DARS1: variants seen among roughly 807,000 people sequenced by gnomAD.
DARS1 encodes aspartate--tRNA ligase, cytoplasmic.
DARS1 carries 51 observed loss-of-function variants against 68.8 expected under a neutral mutation model. The ratio of observed to expected loss-of-function variants is 0.74; its 90% CI spans 0.59 to 0.94. The LOEUF (loss-of-function observed/expected upper bound fraction) is 0.94, where lower values mean the gene tolerates loss of function less well. Ranked by LOEUF, DARS1 falls within the 40% of genes least tolerant of loss-of-function variation. The pLI is 0.00. For missense variants in DARS1, 607 were observed against 597.3 expected, an observed-to-expected ratio of 1.02 and a Z score of -0.17; for synonymous variants, 203 against 190.4, an observed-to-expected ratio of 1.07 and a Z score of -0.55.
Position 135,907,242 on chromosome 2 carries a change from C to CTTTTTTGGTTTTTTTTTTTTT in DARS1, c.*73_*74insAAAAAAAAAAAAACCAAAAAA. On this transcript the variant is annotated 3_prime_UTR_variant, in exon 16 of 16. Coordinates refer to ENST00000264161, the MANE Select transcript of DARS1 (RefSeq NM_001349.4). ...TACTGAAAAGAATAAGTGTGGCTTTCTTTTTTTTTTTTTTTTTTTGAGGCA... is the reference window on the plus strand; with the variant it reads ...TACTGAAAAGAATAAGTGTGGCTTTCTTTTTTGGTTTTTTTTTTTTTTTTTTTTTTTTTTTTTTTTGAGGCA... 1 of 423,204 alleles carries CTTTTTTGGTTTTTTTTTTTTT rather than the reference C, an allele frequency of 2.4e-6. No homozygotes were observed. Among genetic ancestry groups the CTTTTTTGGTTTTTTTTTTTTT allele is most frequent in the African/African-American group, 2.9e-5 (1 of 34,932 alleles). 26.2% of individuals were successfully genotyped at this position (423,204 alleles called of 1,614,324 possible). A position where few individuals can be genotyped will look rare whatever the true frequency, so the allele number is the denominator to read the frequency against.
At chr2:135,978,964 T>C (rs1682559740) in intron 3 of DARS1, 1 of 197,838 alleles carries the variant, frequency 5.1e-6, no homozygotes, top group East Asian at 1.1e-4. Context: ...TTTACTCTTT[T>C]TTTTCAATTT....
intron 4 of DARS1, among the ~76,000 whole-genome samples, chr2:135,960,444 A>G (rs1682075299): frequency 6.6e-6 from 1 of 152,198 alleles, no homozygotes; most frequent in Non-Finnish European, 1.5e-5. Context: ...ATAATTTTTA[A>G]GTTTCTTTCC....
chr2:135,917,939 A>G (rs543560459), intron 10 of DARS1, among the ~76,000 whole-genome samples: 1 of 152,252 alleles, frequency 6.6e-6, no homozygotes, highest in African/African-American at 2.4e-5. Context: ...TTATTTTTTT[A>G]GACGGAGTCT....
chr2:135,942,046 A>C (rs1681612291), intron 5 of DARS1, among the ~76,000 whole-genome samples: 1 of 152,174 alleles, frequency 6.6e-6, no homozygotes, highest in African/African-American at 2.4e-5. Context: ...ACACTTTTAC[A>C]CTGTTGGTGG....
At chr2:135,922,332 T>C (rs1260412640) in intron 9 of DARS1, among the ~76,000 whole-genome samples, 1 of 152,192 alleles carries the variant, frequency 6.6e-6, no homozygotes, top group Non-Finnish European at 1.5e-5. Context: ...CCACTGCAAC[T>C]ACCTGCTCTT....
intron 4 of DARS1, among the ~76,000 whole-genome samples, chr2:135,949,414 C>A (rs1280631125): frequency 6.6e-6 from 1 of 152,000 alleles, no homozygotes; most frequent in African/African-American, 2.4e-5. Flanking sequence ...TAAAATGGCA[C>A]ACATACAAAA....
chr2:135,937,835 T>G (rs1291733377), intron 5 of DARS1, among the ~76,000 whole-genome samples: 3 of 152,256 alleles, frequency 2.0e-5, no homozygotes, highest in Non-Finnish European at 4.4e-5. Flanking sequence ...CTCTTCTGGC[T>G]TGTAAAGTTT....
At chr2:135,944,468 A>G (rs993938026) in intron 4 of DARS1, among the ~76,000 whole-genome samples, 3 of 152,210 alleles carry the variant, frequency 2.0e-5, no homozygotes, top group South Asian at 4.1e-4. Flanking sequence ...ATTTCAATGA[A>G]AAAGGATCAA....
chr2:135,937,832 G>A (rs1681503707), intron 5 of DARS1, among the ~76,000 whole-genome samples: 1 of 152,182 alleles, frequency 6.6e-6, no homozygotes, highest in Non-Finnish European at 1.5e-5. Flanking sequence ...ACTCTCTTCT[G>A]GCTTGTAAAG....
chr2:135,977,670 A>G (rs1408174126), intron 3 of DARS1, among the ~76,000 whole-genome samples: 1 of 152,062 alleles, frequency 6.6e-6, no homozygotes, highest in African/African-American at 2.4e-5. Flanking sequence ...AAAATTTAAA[A>G]CTCCACCAGT....
chr2:135,981,833 A>AT lies in DARS1; in HGVS notation c.124+1563dup, dbSNP rs947698585. Among the ~76,000 whole-genome samples the AT allele has an allele frequency of 1.2e-4, 18 of 151,770 alleles. 1 individual carries two copies. Among genetic ancestry groups the AT allele is most frequent in the Admixed American group, 6.6e-5 (1 of 15,240 alleles). On this transcript the variant is annotated intron_variant, in intron 2 of 15. Coordinates refer to ENST00000264161, the MANE Select transcript of DARS1 (RefSeq NM_001349.4). The stretch of plus-strand genomic sequence containing the variant: ...AGGTGTATGCCACCACGCCTAGCTA[A>AT]TTTTTTTACTTTCTGTAGAGATGGG...
At chr2:135,970,877 A>C (rs533627226) in intron 3 of DARS1, among the ~76,000 whole-genome samples, 6 of 152,316 alleles carry the variant, frequency 3.9e-5, no homozygotes, top group Middle Eastern at 3.4e-3. Context: ...AGACACATAC[A>C]ACCTACCAAG....
chr2:135,979,243 G>A lies in DARS1; in HGVS notation c.217+31C>T, dbSNP rs371662150. ...AGACAAAAAATTCGGAGTCCTTACC[G>A]AAAGAGCTTTAATAATGAAACCAAT... On this transcript the variant is annotated intron_variant, in intron 3 of 15. Transcript: ENST00000264161. 227 of 944,808 alleles carry A rather than the reference G, an allele frequency of 2.4e-4. 1 individual carries two copies. The highest frequency in any genetic ancestry group is 2.7e-4 in the Non-Finnish European group (153 of 576,376). The allele number at this position is 944,808 out of a possible 1,614,324, so 58.5% of individuals were successfully genotyped here.
intron 3 of DARS1, among the ~76,000 whole-genome samples, chr2:135,973,908 A>AT (rs1318079229): frequency 1.3e-5 from 2 of 152,072 alleles, no homozygotes; most frequent in African/African-American, 4.8e-5. Context: ...ATATAACTGG[A>AT]TTGTATGTAA....
chr2:135,939,676 G>C lies in DARS1; in HGVS notation c.423+3702C>G, dbSNP rs145602993. On this transcript the variant is annotated intron_variant, in intron 5 of 15. Transcript: ENST00000264161. ...CTAAGATCAGAGCAGAATTGAAGGAGACAGAGACACAAAAACCCTTCAAAA... is the reference window on the plus strand; with the variant it reads ...CTAAGATCAGAGCAGAATTGAAGGACACAGAGACACAAAAACCCTTCAAAA... 6.1e-3 allele frequency among the ~76,000 whole-genome samples: 930 copies of C among 152,226 alleles called. 7 individuals are homozygous for C. Among genetic ancestry groups the C allele is most frequent in the African/African-American group, 0.021 (871 of 41,528 alleles).
intron 3 of DARS1, among the ~76,000 whole-genome samples, chr2:135,965,592 G>T (rs192987705): frequency 1.6e-4 from 25 of 152,306 alleles, no homozygotes; most frequent in African/African-American, 5.5e-4. Flanking sequence ...ATGCTTGGGA[G>T]AATTAAAATC....
chr2:135,920,136 C>T (rs1199930974), intron 10 of DARS1, among the ~76,000 whole-genome samples: 1 of 152,180 alleles, frequency 6.6e-6, no homozygotes, highest in African/African-American at 2.4e-5. Context: ...GAAACACATG[C>T]TGTATTTCTT....
At chr2:135,939,321 A>G (rs1239542258) in intron 5 of DARS1, among the ~76,000 whole-genome samples, 2 of 152,252 alleles carry the variant, frequency 1.3e-5, no homozygotes, top group Non-Finnish European at 2.9e-5. Flanking sequence ...CTCAGACCAC[A>G]CTGCAATCAA....
intron 7 of DARS1, 86 bp from the exon 8 acceptor site, chr2:135,924,584 A>C (rs1251936572): frequency 1.5e-5 from 22 of 1,482,842 alleles, no homozygotes; most frequent in Non-Finnish European, 2.0e-5. Context: ...TGGAAACCTA[A>C]CAATTCTTGC....
Sources: gnomAD v4.1 joint callset for allele counts (sites outside exome capture counted in the v4.1 genomes callset) on GRCh38, gnomAD v4.1.1 for gene constraint, MANE v1.5 for transcripts, NCBI Gene and HGNC (gene_info 2026-07-23, HGNC 2026-07-21) for gene names.